The following ZNF566 variants were observed in gnomAD, a reference collection of about 807,000 sequenced individuals.
ZNF566 encodes zinc finger protein 566.
A neutral mutation model predicts 32.8 loss-of-function variants in ZNF566; 27 were observed. The ratio of observed to expected loss-of-function variants is 0.82; its 90% CI spans 0.61 to 1.14. ZNF566 has a LOEUF of 1.14. Among genes scored for constraint, ZNF566 ranks in the 50% most tolerant of loss-of-function variants. The pLI is 0.00. For missense variants in ZNF566, 402 were observed against 490.4 expected (o/e 0.82, Z 1.70); for synonymous variants, 154 against 159.5 (o/e 0.97, Z 0.26).
At position 36,449,280 on chromosome 19, in the gene ZNF566, A is replaced by G. The variant is rs1472784547; in HGVS notation, c.954T>C (p.Asn318=). The change falls in exon 5 of 5, where the codon AAT becomes AAC. Residue 318 remains asparagine (N), a synonymous_variant. Transcript: ENST00000452939. ...EKPYECKECG[N]AFSQSSQLIK... ...TAAGTTGTGAGCTCTGACTAAAGGC[A>G]TTGCCACATTCCTTACATTCATAGG... is the stretch of plus-strand genomic sequence containing the variant. 1.2e-6 allele frequency: 2 copies of G among 1,613,938 alleles called. No homozygotes were observed. Among genetic ancestry groups the G allele is most frequent in the Non-Finnish European group, 1.7e-6 (2 of 1,180,014 alleles).
intron 1 of ZNF566, among the ~76,000 whole-genome samples, chr19:36,484,591 T>TC (rs2034110666): frequency 1.5e-5 from 2 of 137,002 alleles, no homozygotes; most frequent in Non-Finnish European, 1.6e-5. Flanking sequence ...TAGTTTCTTT[T>TC]TTTTTTTTTT....
chr19:36,452,736 A>G (rs2033188642), intron 4 of ZNF566, among the ~76,000 whole-genome samples: 2 of 151,952 alleles, frequency 1.3e-5, no homozygotes, highest in African/African-American at 4.8e-5. Context: ...AAAATATAAA[A>G]CTCACTGTAA....
chr19:36,488,295 A>G (rs528167301), intron 1 of ZNF566, among the ~76,000 whole-genome samples: 65 of 151,938 alleles, frequency 4.3e-4, no homozygotes, highest in Non-Finnish European at 7.5e-4. Flanking sequence ...GGGTCTCACT[A>G]TGTTGCCCAG....
intron 1 of ZNF566, among the ~76,000 whole-genome samples, chr19:36,482,332 C>T (rs1273433330): frequency 6.6e-6 from 1 of 152,114 alleles, no homozygotes; most frequent in East Asian, 1.9e-4. Context: ...GTCTTGATCT[C>T]CTGACCTCGT....
chr19:36,477,165 C>A lies in ZNF566; in HGVS notation c.-59-549G>T, dbSNP rs918566302. ...AGCTGGGACTACAGGCATGTGCCACCACGCCCGGCTAATTTTTTGTATTTT... is the reference window on the plus strand; with the variant it reads ...AGCTGGGACTACAGGCATGTGCCACAACGCCCGGCTAATTTTTTGTATTTT... On this transcript the variant is annotated intron_variant, in intron 1 of 4. Coordinates refer to ENST00000452939, the MANE Select transcript of ZNF566 (RefSeq NM_001145344.1). Among the ~76,000 whole-genome samples the A allele has an allele frequency of 3.3e-5, 5 of 151,924 alleles. No homozygotes were observed. The East Asian group carries it at 9.7e-4, about 29-fold the overall frequency.
intron 4 of ZNF566, 56 bp from the exon 5 acceptor site, chr19:36,450,057 A>G (rs1190961776): frequency 1.4e-6 from 2 of 1,460,742 alleles, no homozygotes; most frequent in African/African-American, 2.9e-5. Flanking sequence ...GAGAAACAAA[A>G]CTTCAATCAA....
intron 4 of ZNF566, among the ~76,000 whole-genome samples, chr19:36,460,432 C>T (rs2033432884): frequency 6.6e-6 from 1 of 151,914 alleles, no homozygotes; most frequent in Non-Finnish European, 1.5e-5. Context: ...AAATAAAAAC[C>T]ACTGGCTAGG....
intron 4 of ZNF566, among the ~76,000 whole-genome samples, chr19:36,453,501 AAATAAATTAATT>A (rs201911420): frequency 0.24 from 33,189 of 139,798 alleles, 3,966 homozygotes; most frequent in South Asian, 0.36. Flanking sequence ...ATAAATAAAT[AAATAAATTAATT>A]AATTAAAATA....
At chr19:36,467,382 C>T (rs1053987410) in intron 4 of ZNF566, among the ~76,000 whole-genome samples, 5 of 143,216 alleles carry the variant, frequency 3.5e-5, no homozygotes, top group East Asian at 2.0e-4. Flanking sequence ...TTGAAGTGAG[C>T]GAAGATCGCA....
intron 2 of ZNF566, 21 bp downstream of exon 2, chr19:36,476,528 C>A (rs750408064): frequency 1.2e-6 from 2 of 1,608,930 alleles, no homozygotes; most frequent in Admixed American, 3.3e-5. Context: ...TCTATCTGAG[C>A]AAAAGGAAAC....
intron 4 of ZNF566, among the ~76,000 whole-genome samples, chr19:36,458,176 T>C (rs989357818): frequency 3.3e-5 from 5 of 152,152 alleles, no homozygotes. Context: ...TCATTCATGA[T>C]AGCCAAGATA....
At chr19:36,484,440 A>G (rs933768068) in intron 1 of ZNF566, among the ~76,000 whole-genome samples, 15 of 152,212 alleles carry the variant, frequency 9.9e-5, no homozygotes, top group African/African-American at 3.4e-4. Context: ...GTAGAATTTA[A>G]ATTATCAAAG....
chr19:36,478,612 A>G (rs2033952974), intron 1 of ZNF566, among the ~76,000 whole-genome samples: 1 of 105,660 alleles, frequency 9.5e-6, no homozygotes, highest in Admixed American at 8.6e-5. Context: ...AGCCCTCATT[A>G]ATGTAAAAAA....
intron 1 of ZNF566, among the ~76,000 whole-genome samples, chr19:36,478,887 A>C (rs2033959928): frequency 1.3e-5 from 2 of 152,256 alleles, no homozygotes; most frequent in Admixed American, 6.5e-5. Flanking sequence ...ATCCAGGCTC[A>C]GTGTTCCTCA....
At chr19:36,462,081 C>T (rs991640280) in intron 4 of ZNF566, among the ~76,000 whole-genome samples, 25 of 151,606 alleles carry the variant, frequency 1.6e-4, no homozygotes, top group African/African-American at 5.6e-4. Context: ...CTCTGCCTCC[C>T]GGGTTCAAGC....
intron 2 of ZNF566, chr19:36,476,306 G>GAAA (rs74174412): frequency 4.0e-4 from 89 of 224,146 alleles, no homozygotes; most frequent in South Asian, 8.0e-4. Context: ...ACTCCATCTC[G>GAAA]AAAAAAAAAA....
intron 4 of ZNF566, among the ~76,000 whole-genome samples, chr19:36,458,875 A>T (rs2033386716): frequency 6.6e-6 from 1 of 152,208 alleles, no homozygotes; most frequent in South Asian, 2.1e-4. Flanking sequence ...TTTTTGAGAC[A>T]AAGTTTTCAC....
intron 4 of ZNF566, among the ~76,000 whole-genome samples, chr19:36,469,170 G>T (rs1182460793): frequency 6.6e-6 from 1 of 151,850 alleles, no homozygotes; most frequent in Non-Finnish European, 1.5e-5. Flanking sequence ...TTATATAAGG[G>T]AGAAAGTATC....
chr19:36,476,414 A>T, intron 2 of ZNF566, 135 bp downstream of exon 2: 1 of 640,500 alleles, frequency 1.6e-6, no homozygotes, highest in Non-Finnish European at 2.6e-6. Context: ...CAAAATTCTG[A>T]CATTGCTCAT....
Sources: allele counts gnomAD v4.1 joint callset (sites outside exome capture counted in the v4.1 genomes callset), GRCh38; gene constraint gnomAD v4.1.1; transcripts MANE v1.5; gene names NCBI Gene and HGNC (gene_info 2026-07-23, HGNC 2026-07-21).